The following VTCN1 variants were observed in gnomAD, a reference collection of about 807,000 sequenced individuals.
The protein encoded by VTCN1 is V-set domain-containing T-cell activation inhibitor 1.
In VTCN1, 26 loss-of-function variants were observed where a neutral mutation model predicts 26.5. The ratio of observed to expected loss-of-function variants is 0.98; its 90% CI spans 0.72 to 1.36. VTCN1 has a LOEUF of 1.36. Among genes scored for constraint, VTCN1 ranks in the 40% most tolerant of loss-of-function variants. The pLI, the probability that VTCN1 is intolerant of heterozygous loss-of-function variation, is 0.00. For missense variants in VTCN1, 298 were observed against 337.7 expected, an observed-to-expected ratio of 0.88 and a Z score of 0.92; for synonymous variants, 116 against 130.7, an observed-to-expected ratio of 0.89 and a Z score of 0.77.
chr1:117,158,919 C>A (rs147685363), intron 2 of VTCN1, among the ~76,000 whole-genome samples: 186 of 152,314 alleles, frequency 1.2e-3, no homozygotes, highest in African/African-American at 4.3e-3. Flanking sequence ...TCATCAGTCT[C>A]TTTGTTAAAA....
chr1:117,188,274 G>A (rs1648064750), intron 1 of VTCN1, among the ~76,000 whole-genome samples: 1 of 152,162 alleles, frequency 6.6e-6, no homozygotes, highest in African/African-American at 2.4e-5. Flanking sequence ...GGAACACAGA[G>A]AGCTGCGAGA....
chr1:117,193,015 TAAG>T (rs1486751182), intron 1 of VTCN1, among the ~76,000 whole-genome samples: 4 of 152,124 alleles, frequency 2.6e-5, no homozygotes, highest in African/African-American at 4.8e-5. Context: ...ACAATGGAAA[TAAG>T]AATAACAATA....
At chr1:117,191,704 C>T (rs920426902) in intron 1 of VTCN1, among the ~76,000 whole-genome samples, 16 of 152,276 alleles carry the variant, frequency 1.1e-4, no homozygotes, top group Admixed American at 3.9e-4. Context: ...ATCGCTTGAA[C>T]CCAGGTGGCA....
Position 117,169,891 on chromosome 1 carries a change from T to C in VTCN1, c.97+216A>G, listed in dbSNP as rs1051767582. ...ACCTGGGCAACAGAGCCAGACCCTG[T>C]CTCAAAATAAATAAATAAATAATAA... On this transcript the variant is annotated intron_variant, in intron 2 of 5. Transcript: ENST00000369458. This position sits in a 1 kb window ranked among gnomAD's most constrained non-coding sequence, Gnocchi z 4.0. 6.6e-6 allele frequency among the ~76,000 whole-genome samples: 1 copy of C among 152,102 alleles called. No homozygotes were observed. The highest frequency in any genetic ancestry group is 1.5e-5 in the Non-Finnish European group (1 of 68,028).
In VTCN1 at chr1:117,181,872, G is replaced by A. The variant is rs76797442; in HGVS notation, c.33-11701C>T. On this transcript the variant is annotated intron_variant, in intron 1 of 5. Coordinates refer to ENST00000369458, the MANE Select transcript of VTCN1 (RefSeq NM_024626.4). ...TCAGTCACCCTGGTCATCAGTCACC[G>A]TGATCTGGGCCTCAGGCAGATGGAT... Among the ~76,000 whole-genome samples, 114 of 152,300 alleles carry A rather than the reference G, an allele frequency of 7.5e-4. 2 individuals are homozygous for A. Among genetic ancestry groups the A allele is most frequent in the African/African-American group, 2.3e-3 (97 of 41,552 alleles).
chr1:117,205,157 T>G (rs12128861), intron 1 of VTCN1, among the ~76,000 whole-genome samples: 6,049 of 137,928 alleles, frequency 0.044, 193 homozygotes, highest in African/African-American at 0.086. Context: ...TATATATATA[T>G]AGAGAGAGAG....
intron 4 of VTCN1, among the ~76,000 whole-genome samples, chr1:117,149,978 T>A (rs1651708444): frequency 6.6e-6 from 1 of 152,248 alleles, no homozygotes; most frequent in Non-Finnish European, 1.5e-5. Context: ...GATCTGTTAA[T>A]TGAATAAAAG....
chr1:117,210,478 C>A (rs1157586481), intron 1 of VTCN1, among the ~76,000 whole-genome samples: 1 of 152,224 alleles, frequency 6.6e-6, no homozygotes, highest in Non-Finnish European at 1.5e-5. Context: ...CCCACACCAG[C>A]CTGCTCAGTG....
chr1:117,175,820 G>T lies in VTCN1; in HGVS notation c.33-5649C>A, dbSNP rs574963518. Among the ~76,000 whole-genome samples the T allele has an allele frequency of 3.3e-5, 5 of 149,892 alleles. No individual in the cohort carries two copies. In the East Asian group the frequency reaches 9.9e-4, roughly 30 times the overall value. On this transcript the variant is annotated intron_variant, in intron 1 of 5. Transcript: ENST00000369458. This position sits in a 1 kb window ranked among gnomAD's most constrained non-coding sequence, Gnocchi z 4.2. ...GAGTTTCACTCTGTTGCCCAGGCTG[G>T]AGTGCACTGGCATGATCTCAGTTCA...
In VTCN1 at chr1:117,144,734, A is replaced by G. The variant is rs1651424904; in HGVS notation, c.*537T>C. 1 of 152,608 alleles carries G rather than the reference A, an allele frequency of 6.6e-6. No homozygotes were observed. Among genetic ancestry groups the G allele is most frequent in the Non-Finnish European group, 1.5e-5 (1 of 68,042 alleles). 9.5% of individuals were successfully genotyped at this position (152,608 alleles called of 1,614,324 possible). ...TCATAAAAAGTGAATCATTTGACCC[A>G]TTACTAAAATGCAGCCGCCCCTGAG... On this transcript the variant is annotated 3_prime_UTR_variant, in exon 6 of 6. Transcript: ENST00000369458.
intron 1 of VTCN1, among the ~76,000 whole-genome samples, chr1:117,172,252 A>C (rs1652958064): frequency 6.6e-6 from 1 of 152,264 alleles, no homozygotes; most frequent in African/African-American, 2.4e-5. Flanking sequence ...CCTATGGCTC[A>C]GGAATGGGCC....
intron 1 of VTCN1, among the ~76,000 whole-genome samples, chr1:117,171,377 G>A (rs1652909947): frequency 1.3e-5 from 2 of 152,160 alleles, no homozygotes; most frequent in South Asian, 4.1e-4. Context: ...CCAGTAATGG[G>A]ATTGCTGGGT....
In VTCN1 at chr1:117,147,603, T is replaced by C. The variant is rs1267449495; in HGVS notation, c.*45+10A>G. On this transcript the variant is annotated intron_variant, in intron 5 of 5. Coordinates refer to ENST00000369458, the MANE Select transcript of VTCN1 (RefSeq NM_024626.4). The surrounding 1 kb of genome is among the most constrained non-coding windows in gnomAD (Gnocchi z 4.6). ...AACCAATATCCCACACTATTTGTGA[T>C]TAATCTCACCTGTTGTAACAATGAC... 13 of 1,599,418 alleles carry C rather than the reference T, an allele frequency of 8.1e-6. No individual in the cohort carries two copies. Among genetic ancestry groups the C allele is most frequent in the Non-Finnish European group, 7.7e-6 (9 of 1,174,098 alleles).
At chr1:117,210,794 C>T (rs778301606) in intron 1 of VTCN1, 30 bp downstream of exon 1, 4 of 1,612,948 alleles carry the variant, frequency 2.5e-6, no homozygotes, top group South Asian at 2.2e-5. Context: ...TCCCTTCACC[C>T]ATAAGGATAG....
chr1:117,195,139 G>C (rs1648447346), intron 1 of VTCN1, among the ~76,000 whole-genome samples: 1 of 151,868 alleles, frequency 6.6e-6, no homozygotes, highest in South Asian at 2.1e-4. Flanking sequence ...GAGGGCGCCT[G>C]TAGTACCAGC....
Position 117,210,841 on chromosome 1 carries a change from C to T in VTCN1, c.15G>A (p.Gly5=). The T allele has an allele frequency of 6.2e-7, 1 of 1,614,130 alleles. No homozygotes were observed. MASL[G]QILFWSIISI... ...TATACTACCTCCAGAAGAGGATCTGCCCCAGGGAAGCCATGGCTGGGGAAG... is the reference window on the plus strand; with the variant it reads ...TATACTACCTCCAGAAGAGGATCTGTCCCAGGGAAGCCATGGCTGGGGAAG... The change falls in exon 1 of 6, where the codon GGG becomes GGA. Residue 5 remains glycine (G), a synonymous_variant. Transcript: ENST00000369458.
At position 117,147,589 on chromosome 1, in the gene VTCN1, C is replaced by T; in HGVS notation, c.*45+24G>A. ...ACAAGCACCCACAGAACCAATATCC[C>T]ACACTATTTGTGATTAATCTCACCT... On this transcript the variant is annotated intron_variant, in intron 5 of 5. Coordinates refer to ENST00000369458, the MANE Select transcript of VTCN1 (RefSeq NM_024626.4). This position sits in a 1 kb window ranked among gnomAD's most constrained non-coding sequence, Gnocchi z 4.6. 1.3e-6 allele frequency: 2 copies of T among 1,581,914 alleles called. No individual in the cohort carries two copies. Among genetic ancestry groups the T allele is most frequent in the Non-Finnish European group, 8.6e-7 (1 of 1,165,448 alleles).
At chr1:117,162,698 C>T (rs532434790) in intron 2 of VTCN1, among the ~76,000 whole-genome samples, 1 of 152,208 alleles carries the variant, frequency 6.6e-6, no homozygotes, top group Non-Finnish European at 1.5e-5. Flanking sequence ...TTAACTACCA[C>T]AGCTCCTGTC....
In VTCN1 at chr1:117,175,372, C is replaced by A. The variant is rs1238089095; in HGVS notation, c.33-5201G>T. Among the ~76,000 whole-genome samples, 1 of 152,184 alleles carries A rather than the reference C, an allele frequency of 6.6e-6. No homozygotes were observed. Among genetic ancestry groups the A allele is most frequent in the African/African-American group, 2.4e-5 (1 of 41,456 alleles). On this transcript the variant is annotated intron_variant, in intron 1 of 5. Transcript: ENST00000369458. This position sits in a 1 kb window ranked among gnomAD's most constrained non-coding sequence, Gnocchi z 4.2. ...GCACAGATATAATAAAATAAACACT[C>A]CCGCTGCTGGGTGCTGTGAGCCGGC...
Sources: gnomAD v4.1 joint callset for allele counts (sites outside exome capture counted in the v4.1 genomes callset) on GRCh38, gnomAD v4.1.1 for gene constraint, Gnocchi (gnomAD v3.1) non-coding constraint, MANE v1.5 for transcripts, NCBI Gene and HGNC (gene_info 2026-07-23, HGNC 2026-07-21) for gene names.